The following FMNL2 variants were observed in gnomAD, a reference collection of about 807,000 sequenced individuals.
FMNL2 encodes the protein formin like 2, also known as formin-like protein 2.
A neutral mutation model predicts 130.2 loss-of-function variants in FMNL2; 51 were observed. The observed-to-expected ratio is 0.39, with a 90% CI of 0.31 to 0.49. The LOEUF (loss-of-function observed/expected upper bound fraction) is 0.49. Among genes scored for constraint, FMNL2 ranks in the 20% least tolerant of loss-of-function variants. The pLI, the probability that FMNL2 is intolerant of heterozygous loss-of-function variation, is 0.85. For missense variants in FMNL2, 977 were observed against 1,316.2 expected, an observed-to-expected ratio of 0.74 and a Z score of 3.99; for synonymous variants, 465 against 467.1, an observed-to-expected ratio of 1.00 and a Z score of 0.06.
At chr2:152,614,363 A>C (rs1157009774) in intron 11 of FMNL2, among the ~76,000 whole-genome samples, 1 of 152,266 alleles carries the variant, frequency 6.6e-6, no homozygotes, top group Non-Finnish European at 1.5e-5. Context: ...ATCTGATGAT[A>C]CTGCTTAGGC....
intron 9 of FMNL2, 86 bp downstream of exon 9, chr2:152,581,135 T>C: frequency 1.7e-6 from 2 of 1,184,140 alleles, no homozygotes; most frequent in Non-Finnish European, 2.5e-6. Flanking sequence ...TTTTCATTTA[T>C]CCTAGGGCCT....
intron 1 of FMNL2, among the ~76,000 whole-genome samples, chr2:152,345,143 T>C (rs1378508684): frequency 6.6e-6 from 1 of 152,184 alleles, no homozygotes; most frequent in Non-Finnish European, 1.5e-5. Flanking sequence ...ATCAATCTTA[T>C]AAGGAACTGT....
intron 9 of FMNL2, among the ~76,000 whole-genome samples, chr2:152,599,662 G>A (rs1416832774): frequency 2.0e-5 from 3 of 152,062 alleles, no homozygotes; most frequent in Admixed American, 6.5e-5. Context: ...TCACAAGGGT[G>A]TTTAGCATTA....
At chr2:152,369,484 T>G (rs1321496443) in intron 1 of FMNL2, among the ~76,000 whole-genome samples, 3 of 152,224 alleles carry the variant, frequency 2.0e-5, no homozygotes, top group Non-Finnish European at 1.5e-5. Flanking sequence ...ATGCCCTGCC[T>G]TTGGTATTTC....
Position 152,528,728 on chromosome 2 carries a change from A to T in FMNL2, c.201+6702A>T, listed in dbSNP as rs374613953. On this transcript the variant is annotated intron_variant, in intron 2 of 25. Coordinates refer to ENST00000288670, the MANE Select transcript of FMNL2 (RefSeq NM_052905.4). ...CATATCTTTTGGGGGCCACCATTCA[A>T]CCCACTACAGACACTAAGATGTATA... 4.4e-4 allele frequency among the ~76,000 whole-genome samples: 67 copies of T among 152,212 alleles called. 1 individual carries two copies. The South Asian group carries it at 0.014, about 32-fold the overall frequency.
intron 1 of FMNL2, among the ~76,000 whole-genome samples, chr2:152,350,570 T>A (rs1424934103): frequency 1.3e-5 from 2 of 152,230 alleles, no homozygotes; most frequent in Non-Finnish European, 2.9e-5. Flanking sequence ...AGGCCAGTAC[T>A]TAGAATGGCT....
intron 1 of FMNL2, among the ~76,000 whole-genome samples, chr2:152,412,456 A>T (rs1479541239): frequency 8.4e-4 from 6 of 7,134 alleles, no homozygotes; most frequent in Non-Finnish European, 1.5e-3. Context: ...TTATATATAT[A>T]TATATATATA....
intron 1 of FMNL2, among the ~76,000 whole-genome samples, chr2:152,521,726 C>T (rs567691441): frequency 6.5e-4 from 99 of 152,190 alleles, no homozygotes; most frequent in Non-Finnish European, 1.3e-3. Flanking sequence ...GATCATCTCA[C>T]ATGTCCCACC....
At chr2:152,586,647 GAGCCAC>G (rs1279764819) in intron 9 of FMNL2, among the ~76,000 whole-genome samples, 2 of 152,130 alleles carry the variant, frequency 1.3e-5, no homozygotes, top group African/African-American at 4.8e-5. Context: ...CAAACTGTAG[GAGCCAC>G]AGCCGTAGAG....
intron 9 of FMNL2, among the ~76,000 whole-genome samples, chr2:152,606,881 A>AT (rs541435935): frequency 1.3e-4 from 20 of 151,376 alleles, no homozygotes; most frequent in African/African-American, 3.4e-4. Context: ...ATGCACTGAG[A>AT]TTTTTTGATT....
At chr2:152,643,359 A>G (rs759384727) in intron 25 of FMNL2, 19 of 1,533,970 alleles carry the variant, frequency 1.2e-5, no homozygotes, top group Admixed American at 2.0e-5. Flanking sequence ...TACTAATGCA[A>G]TAGATCTTGG....
At chr2:152,578,985 G>C (rs80057561) in intron 8 of FMNL2, 21 bp downstream of exon 8, 11 of 1,598,222 alleles carry the variant, frequency 6.9e-6, no homozygotes, top group Admixed American at 6.7e-5. Context: ...TTTGTAGTAC[G>C]CAAGTCTAAA....
At chr2:152,614,717 T>A in intron 11 of FMNL2, 134 bp from the exon 12 acceptor site, 1 of 766,838 alleles carries the variant, frequency 1.3e-6, no homozygotes, top group African/African-American at 1.9e-5. Context: ...CACTCCAGCC[T>A]GGGTGACAGA....
At position 152,649,034 on chromosome 2, in the gene FMNL2, C is replaced by G. The variant is rs951638163; in HGVS notation, c.*1129C>G. 4 of 152,630 alleles carry G rather than the reference C, an allele frequency of 2.6e-5. No individual in the cohort carries two copies. The highest frequency in any genetic ancestry group is 4.4e-5 in the Non-Finnish European group (3 of 68,044). 9.5% of individuals were successfully genotyped at this position (152,630 alleles called of 1,614,324 possible). On this transcript the variant is annotated 3_prime_UTR_variant, in exon 26 of 26. Coordinates refer to ENST00000288670, the MANE Select transcript of FMNL2 (RefSeq NM_052905.4). ...ATCCATTCCAAAGTCAAAAACTGGA[C>G]TGAAGCTAAATTTGTACTTTTCATA...
Position 152,340,240 on chromosome 2 carries a change from A to G in FMNL2, c.117+4520A>G, listed in dbSNP as rs140080380. On this transcript the variant is annotated intron_variant, in intron 1 of 25. Coordinates refer to ENST00000288670, the MANE Select transcript of FMNL2 (RefSeq NM_052905.4). ...AAATTATACAGTTATTAAATAACCA[A>G]TCTAGTCTTTCAGCAGAGATTTGGA... 2.4e-3 allele frequency among the ~76,000 whole-genome samples: 370 copies of G among 152,300 alleles called. 6 individuals are homozygous for G. Among genetic ancestry groups the G allele is most frequent in the Admixed American group, 0.017 (262 of 15,302 alleles).
chr2:152,558,871 C>A, intron 5 of FMNL2, 48 bp downstream of exon 5: 1 of 1,499,900 alleles, frequency 6.7e-7, no homozygotes, highest in Non-Finnish European at 9.2e-7. Context: ...GTGGTCACAG[C>A]AGATGCTACT....
chr2:152,519,336 C>T (rs896782585), intron 1 of FMNL2, among the ~76,000 whole-genome samples: 4 of 152,196 alleles, frequency 2.6e-5, no homozygotes, highest in African/African-American at 9.6e-5. Context: ...TCCCACCGTG[C>T]CACCCAGCAT....
intron 1 of FMNL2, among the ~76,000 whole-genome samples, chr2:152,519,030 C>T (rs1692928471): frequency 6.6e-6 from 1 of 152,174 alleles, no homozygotes; most frequent in African/African-American, 2.4e-5. Flanking sequence ...TACTTTCTCT[C>T]TGGCTGTTCT....
rs1682036213 is a variant in FMNL2 at position 152,629,663 on chromosome 2, A to T, written c.2408A>T (p.His803Leu). The change falls in exon 19 of 26, where the codon CAT becomes CTT. Residue 803 changes from histidine to leucine, a missense_variant. Coordinates refer to ENST00000288670, the MANE Select transcript of FMNL2 (RefSeq NM_052905.4). Reference protein sequence around the residue: ...ESIQMLTPQLHAIIAASVSIK... With the variant: ...ESIQMLTPQLLAIIAASVSIK... Reference sequence around the variant, plus strand: ...TCTTTGATTGGAATCTAGCAACTACATGCGATTATAGCAGCATCTGTCTCT... The same window carrying T: ...TCTTTGATTGGAATCTAGCAACTACTTGCGATTATAGCAGCATCTGTCTCT... 7 of 1,597,366 alleles carry T rather than the reference A, an allele frequency of 4.4e-6. No homozygotes were observed. The South Asian group carries it at 6.8e-5, about 15-fold the overall frequency.
Sources: gnomAD v4.1 joint callset for allele counts (sites outside exome capture counted in the v4.1 genomes callset) on GRCh38, gnomAD v4.1.1 for gene constraint, MANE v1.5 for transcripts, NCBI Gene and HGNC (gene_info 2026-07-23, HGNC 2026-07-21) for gene names.